Variants in KCNK2 observed in about 807,000 individuals in gnomAD.
The protein encoded by KCNK2 is potassium two pore domain channel subfamily K member 2, also known as potassium channel subfamily K member 2.
Under a neutral mutation model 40.5 loss-of-function variants are expected in KCNK2, and 21 were observed. The ratio of observed to expected loss-of-function variants is 0.52; its 90% confidence interval spans 0.37 to 0.75. KCNK2 has a LOEUF of 0.75. Among genes scored for constraint, KCNK2 ranks in the 30% least tolerant of loss-of-function variants. KCNK2 has a pLI of 0.00. For missense variants in KCNK2, 399 were observed against 531.6 expected (o/e 0.75, Z 2.45); for synonymous variants, 191 against 202.2 (o/e 0.94, Z 0.47).
At position 215,010,776 on chromosome 1, in the gene KCNK2, A is replaced by G. The variant is rs1037686362; in HGVS notation, c.34+4821A>G. Among the ~76,000 whole-genome samples the G allele has an allele frequency of 4.7e-5, 7 of 149,790 alleles. No individual in the cohort carries two copies. In the East Asian group the frequency reaches 1.4e-3, roughly 29 times the overall value. On this transcript the variant is annotated intron_variant, in intron 1 of 6. Coordinates refer to the KCNK2 transcript ENST00000391895. ...TCACTTCTTTTCCTTCATGTTTTTA[A>G]GGTTTGTTTTATTTTTGAGAAGGGT...
At chr1:215,212,306 G>A (rs540478733) in intron 6 of KCNK2, among the ~76,000 whole-genome samples, 10 of 152,024 alleles carry the variant, frequency 6.6e-5, no homozygotes, top group Admixed American at 5.2e-4. Flanking sequence ...CGTATGAAAT[G>A]CCCCTTATAA....
At chr1:215,049,136 A>G (rs568218062) in intron 1 of KCNK2, among the ~76,000 whole-genome samples, 3 of 152,206 alleles carry the variant, frequency 2.0e-5, no homozygotes, top group South Asian at 2.1e-4. Flanking sequence ...GTTTCTTCAC[A>G]TTTTTGTCAG....
intron 5 of KCNK2, 86 bp downstream of exon 5, chr1:215,172,269 G>A: frequency 8.2e-7 from 1 of 1,214,272 alleles, no homozygotes; most frequent in Non-Finnish European, 1.2e-6. Context: ...GAAACACAAG[G>A]GCTGTATGAG....
At chr1:215,187,724 G>A (rs930948295) in intron 5 of KCNK2, among the ~76,000 whole-genome samples, 1 of 151,652 alleles carries the variant, frequency 6.6e-6, no homozygotes, top group Non-Finnish European at 1.5e-5. Context: ...AGCTTGTTTA[G>A]AAGCTGCCCA....
chr1:215,151,581 C>A (rs1166353701), intron 3 of KCNK2, among the ~76,000 whole-genome samples: 1 of 151,932 alleles, frequency 6.6e-6, no homozygotes, highest in Non-Finnish European at 1.5e-5. Context: ...AAAAACAATT[C>A]CAAAATATTT....
intron 6 of KCNK2, among the ~76,000 whole-genome samples, chr1:215,204,953 C>T (rs1488613828): frequency 1.3e-5 from 2 of 152,094 alleles, no homozygotes; most frequent in African/African-American, 2.4e-5. Context: ...TTGATTTGAA[C>T]CAAATGAACA....
At chr1:215,191,842 C>T (rs1664679954) in intron 5 of KCNK2, among the ~76,000 whole-genome samples, 1 of 151,918 alleles carries the variant, frequency 6.6e-6, no homozygotes, top group Admixed American at 6.6e-5. Flanking sequence ...CGGTGGGGAA[C>T]CTAGGAGGGG....
In KCNK2 at chr1:215,083,205, C is replaced by T; in HGVS notation, c.-181C>T. 3 of 922,300 alleles carry T rather than the reference C, an allele frequency of 3.3e-6. No individual in the cohort carries two copies. The highest frequency in any genetic ancestry group is 4.8e-6 in the Non-Finnish European group (3 of 624,414). The allele number at this position is 922,300 out of a possible 1,614,324, so 57.1% of individuals were successfully genotyped here. On this transcript the variant is annotated 5_prime_UTR_variant, in exon 1 of 7. Coordinates refer to ENST00000444842, the MANE Select transcript of KCNK2 (RefSeq NM_001017425.3). ...GTTTCTTCTCACGCTCCCCCCCCCG[C>T]CCCCTCCCGCGTCCAGCCCCGCTCT... is the stretch of plus-strand genomic sequence containing the variant.
At chr1:215,012,859 G>GA (rs1483115278) in intron 1 of KCNK2, among the ~76,000 whole-genome samples, 1 of 151,868 alleles carries the variant, frequency 6.6e-6, no homozygotes, top group Non-Finnish European at 1.5e-5. Flanking sequence ...CTTTTATGGA[G>GA]AAAAAGATTT....
chr1:215,042,860 TC>T (rs1180346331), intron 1 of KCNK2, among the ~76,000 whole-genome samples: 1 of 152,224 alleles, frequency 6.6e-6, no homozygotes. Context: ...ATTAACTTTT[TC>T]TAAATTCACA....
intron 2 of KCNK2, among the ~76,000 whole-genome samples, chr1:215,087,282 G>A (rs1659487595): frequency 6.6e-6 from 1 of 152,196 alleles, no homozygotes; most frequent in African/African-American, 2.4e-5. Flanking sequence ...GCAGATAAGT[G>A]ATTAATTATT....
intron 1 of KCNK2, among the ~76,000 whole-genome samples, chr1:215,014,630 T>G (rs181582155): frequency 1.6e-3 from 249 of 152,148 alleles, no homozygotes; most frequent in African/African-American, 5.6e-3. Context: ...AAAAATTGAT[T>G]GTTTATCATG....
upstream of KCNK2, among the ~76,000 whole-genome samples, chr1:215,078,754 A>G (rs1241825411): frequency 2.6e-5 from 4 of 152,272 alleles, no homozygotes; most frequent in East Asian, 7.7e-4. Context: ...TCTTACAACA[A>G]TCTCTTGTGA....
At chr1:215,194,881 A>G in intron 5 of KCNK2, 72 bp from the exon 6 acceptor site, 1 of 1,435,376 alleles carries the variant, frequency 7.0e-7, no homozygotes, top group Non-Finnish European at 9.6e-7. Context: ...TTAGTTAGTA[A>G]TTTTAGCAAT....
chr1:215,031,889 A>G (rs1402390554), intron 1 of KCNK2, among the ~76,000 whole-genome samples: 1 of 152,082 alleles, frequency 6.6e-6, no homozygotes, highest in Non-Finnish European at 1.5e-5. Flanking sequence ...ATATATGTTT[A>G]CAGTTAATCC....
intron 5 of KCNK2, among the ~76,000 whole-genome samples, chr1:215,191,876 G>A (rs998500896): frequency 6.6e-6 from 1 of 152,078 alleles, no homozygotes; most frequent in African/African-American, 2.4e-5. Flanking sequence ...GCATCTTGTA[G>A]GCTGCATCTC....
Position 215,026,188 on chromosome 1 carries a change from G to A in KCNK2, c.34+20233G>A, listed in dbSNP as rs1454086653. On this transcript the variant is annotated intron_variant, in intron 1 of 6. Coordinates refer to the KCNK2 transcript ENST00000391895. ...TTTATATCTGTTGCTCATTTTTCTT[G>A]TCAGGTGGTTGTTTGTTTCTTATCA... is the stretch of plus-strand genomic sequence containing the variant. 3.3e-5 allele frequency among the ~76,000 whole-genome samples: 5 copies of A among 151,904 alleles called. No individual in the cohort carries two copies. In the East Asian group the frequency reaches 7.7e-4, roughly 23 times the overall value.
chr1:215,144,326 G>C (rs180939722), intron 3 of KCNK2, among the ~76,000 whole-genome samples: 1 of 152,124 alleles, frequency 6.6e-6, no homozygotes, highest in African/African-American at 2.4e-5. Context: ...TGGTTTTAGT[G>C]ATGTAGCCTT....
chr1:215,134,361 A>G (rs1257720557), intron 3 of KCNK2, among the ~76,000 whole-genome samples: 1 of 152,202 alleles, frequency 6.6e-6, no homozygotes, highest in African/African-American at 2.4e-5. Context: ...GGAGCAGCTC[A>G]CAGAACTCAG....
Sources: allele counts gnomAD v4.1 joint callset (sites outside exome capture counted in the v4.1 genomes callset), GRCh38; gene constraint gnomAD v4.1.1; transcripts MANE v1.5; gene names NCBI Gene and HGNC (gene_info 2026-07-23, HGNC 2026-07-21).